CCDC141: variants seen among roughly 807,000 people sequenced by gnomAD.
CCDC141 encodes coiled-coil domain-containing protein 141.
A neutral mutation model predicts 181.0 loss-of-function variants in CCDC141; 168 were observed. The ratio of observed to expected loss-of-function variants is 0.93; its 90% CI spans 0.82 to 1.05. The LOEUF (loss-of-function observed/expected upper bound fraction) is 1.05. Among genes scored for constraint, CCDC141 ranks in the 50% least tolerant of loss-of-function variants. The pLI is 0.00. For synonymous variants in CCDC141, 666 were observed against 642.3 expected (o/e 1.04, Z -0.56); for missense variants, 1,902 against 1,788.5 (o/e 1.06, Z -1.14).
At chr2:178,826,769 G>A (rs1684131414), downstream of CCDC141, among the ~76,000 whole-genome samples, 1 of 151,790 alleles carries the variant, frequency 6.6e-6, no homozygotes, top group Admixed American at 6.6e-5. Context: ...GGTTATCCTG[G>A]CTAGAAGTAT....
At chr2:179,014,010 C>T (rs1397259339) in intron 2 of CCDC141, among the ~76,000 whole-genome samples, 1 of 141,308 alleles carries the variant, frequency 7.1e-6, no homozygotes, top group Non-Finnish European at 1.5e-5. Context: ...AGGCATCACA[C>T]TACCTCATTT....
chr2:178,941,816 C>T (rs775263204), intron 6 of CCDC141, among the ~76,000 whole-genome samples: 3 of 150,848 alleles, frequency 2.0e-5, no homozygotes, highest in African/African-American at 7.3e-5. Flanking sequence ...CAAAATTTGC[C>T]AGGTATGGGG....
chr2:179,026,425 G>A (rs1559057176), intron 2 of CCDC141, among the ~76,000 whole-genome samples: 2 of 152,320 alleles, frequency 1.3e-5, no homozygotes, highest in South Asian at 4.1e-4. Context: ...GTGATGTTGA[G>A]CCTACAAGTG....
In CCDC141 at chr2:178,856,215, G is replaced by C. The variant is rs1685378975; in HGVS notation, c.2865+42C>G. 4 of 1,513,668 alleles carry C rather than the reference G, an allele frequency of 2.6e-6. No individual in the cohort carries two copies. In the East Asian group the frequency reaches 9.1e-5, roughly 34 times the overall value. The allele number at this position is 1,513,668 out of a possible 1,614,324, so 93.8% of individuals were successfully genotyped here. A position where few individuals can be genotyped will look rare whatever the true frequency, so the allele number is the denominator to read the frequency against. ...ATTTTGCAATAATTGTGTAGTACAT[G>C]CATACACATGCGCACATATACAAAC... On this transcript the variant is annotated intron_variant, in intron 18 of 23. Transcript: ENST00000443758.
intron 19 of CCDC141, among the ~76,000 whole-genome samples, chr2:178,854,157 T>C (rs1336603805): frequency 1.3e-5 from 2 of 152,368 alleles, no homozygotes; most frequent in South Asian, 2.1e-4. Flanking sequence ...ATCTAACAAA[T>C]AGCATTTCAC....
At chr2:178,865,518 T>G (rs1292552594) in intron 17 of CCDC141, among the ~76,000 whole-genome samples, 1 of 152,144 alleles carries the variant, frequency 6.6e-6, no homozygotes, top group Non-Finnish European at 1.5e-5. Context: ...ACTACTGAAT[T>G]ATAGGTTTTT....
intron 2 of CCDC141, among the ~76,000 whole-genome samples, chr2:178,995,900 T>G (rs1026938204): frequency 6.6e-6 from 1 of 152,180 alleles, no homozygotes; most frequent in Admixed American, 6.5e-5. Flanking sequence ...ATTGTGCATA[T>G]TTTTCATTTT....
At chr2:179,002,263 A>G in intron 2 of CCDC141, 1 of 246,808 alleles carries the variant, frequency 4.1e-6, no homozygotes, top group Non-Finnish European at 8.1e-6. Flanking sequence ...TTGGCCCATG[A>G]CCATGTCCAC....
Position 178,888,572 on chromosome 2 carries a change from A to T in CCDC141, c.1362T>A (p.Leu454=). ...CTGAGGCTGTTAGTTGTTGTTTCTT[A>T]AGAGCATATTCCTTGTGCGCTGAAC... The part of the protein sequence containing the change: ...EQCSAHKEYA[L]KKQQLTASVE... The change falls in exon 9 of 24, where the codon CTT becomes CTA. Residue 454 remains leucine (L), a synonymous_variant. Coordinates refer to ENST00000443758, the MANE Select transcript of CCDC141 (RefSeq NM_173648.4). The T allele has an allele frequency of 6.4e-7, 1 of 1,550,492 alleles. No homozygotes were observed. Among genetic ancestry groups the T allele is most frequent in the East Asian group, 2.4e-5 (1 of 40,918 alleles).
chr2:178,879,596 T>TG (rs1432002782), intron 11 of CCDC141, among the ~76,000 whole-genome samples: 8 of 152,140 alleles, frequency 5.3e-5, no homozygotes, highest in Non-Finnish European at 1.2e-4. Context: ...TTAACTATTT[T>TG]GGGGGGTACT....
intron 2 of CCDC141, among the ~76,000 whole-genome samples, chr2:179,032,921 G>A (rs1490042250): frequency 6.6e-6 from 1 of 151,256 alleles, no homozygotes; most frequent in African/African-American, 2.4e-5. Flanking sequence ...AACTTGTCAT[G>A]AGAATGACAT....
chr2:178,838,407 T>C (rs1684580677), intron 22 of CCDC141, among the ~76,000 whole-genome samples: 1 of 152,204 alleles, frequency 6.6e-6, no homozygotes, highest in South Asian at 2.1e-4. Flanking sequence ...CCTAATCTTT[T>C]GTCTTCCCCC....
At chr2:178,986,409 G>C (rs1691741236) in intron 2 of CCDC141, among the ~76,000 whole-genome samples, 1 of 152,204 alleles carries the variant, frequency 6.6e-6, no homozygotes, top group Admixed American at 6.5e-5. Flanking sequence ...ACTGGCACAA[G>C]ACAGGGATGC....
chr2:178,884,862 G>T, intron 11 of CCDC141, 39 bp downstream of exon 11: 1 of 1,496,944 alleles, frequency 6.7e-7, no homozygotes, highest in South Asian at 1.2e-5. Flanking sequence ...CATGGGCAGT[G>T]GCCACCTTGC....
At chr2:178,870,025 A>C (rs1686040258) in intron 14 of CCDC141, among the ~76,000 whole-genome samples, 1 of 152,160 alleles carries the variant, frequency 6.6e-6, no homozygotes, top group South Asian at 2.1e-4. Context: ...TGAAGGCAGG[A>C]GTTCAAGACC....
At chr2:179,015,063 C>A (rs1268811420) in intron 2 of CCDC141, among the ~76,000 whole-genome samples, 1 of 68,680 alleles carries the variant, frequency 1.5e-5, no homozygotes, top group African/African-American at 9.4e-5. Flanking sequence ...GTGAGAGAGA[C>A]AGAGATATAT....
At chr2:178,901,240 T>A (rs1428060308) in intron 8 of CCDC141, among the ~76,000 whole-genome samples, 1 of 152,094 alleles carries the variant, frequency 6.6e-6, no homozygotes, top group South Asian at 2.1e-4. Flanking sequence ...GAGGGAATCC[T>A]CCCTAACTCA....
At position 178,859,902 on chromosome 2, in the gene CCDC141, C is replaced by T. The variant is rs1208998828; in HGVS notation, c.2725-3505G>A. 5.3e-5 allele frequency among the ~76,000 whole-genome samples: 8 copies of T among 152,060 alleles called. No homozygotes were observed. In the East Asian group the frequency reaches 1.4e-3, roughly 26 times the overall value. On this transcript the variant is annotated intron_variant, in intron 17 of 23. Coordinates refer to ENST00000443758, the MANE Select transcript of CCDC141 (RefSeq NM_173648.4). ...GCTGGCTTGCTATTGTTAGTCTTGA[C>T]GAAGCTGGTTGAGCCAGCTTTGGCA... is the stretch of plus-strand genomic sequence containing the variant.
intron 20 of CCDC141, among the ~76,000 whole-genome samples, chr2:178,851,332 T>C (rs1300167730): frequency 2.0e-5 from 3 of 152,198 alleles, no homozygotes; most frequent in Non-Finnish European, 4.4e-5. Context: ...TGTTATGGGC[T>C]GAACTATGTC....
Sources: gnomAD v4.1 joint callset for allele counts (sites outside exome capture counted in the v4.1 genomes callset) on GRCh38, gnomAD v4.1.1 for gene constraint, MANE v1.5 for transcripts, NCBI Gene and HGNC (gene_info 2026-07-23, HGNC 2026-07-21) for gene names.